The following TRPM6 variants were observed in gnomAD, a reference collection of about 807,000 sequenced individuals.
TRPM6 encodes transient receptor potential cation channel subfamily M member 6, also known as channel kinase 2.
Under a neutral mutation model 247.6 loss-of-function variants are expected in TRPM6, and 111 were observed. The ratio of observed to expected loss-of-function variants is 0.45; its 90% CI spans 0.38 to 0.52. The LOEUF is 0.52. TRPM6 is among the 20% of genes least tolerant of loss of function. TRPM6 has a pLI of 0.00. For missense variants in TRPM6, 2,126 were observed against 2,421.5 expected (o/e 0.88, Z 2.56); for synonymous variants, 892 against 853.8 (o/e 1.04, Z -0.78).
intron 23 of TRPM6, 36 bp downstream of exon 23, chr9:74,782,325 CT>C (rs780248066): frequency 6.7e-7 from 1 of 1,494,164 alleles, no homozygotes; most frequent in Non-Finnish European, 9.3e-7. Flanking sequence ...GCCCACATTT[CT>C]TATTTAAATA....
intron 8 of TRPM6, among the ~76,000 whole-genome samples, 157 bp from the exon 9 acceptor site, chr9:74,820,584 G>C (rs1447874891): frequency 6.6e-6 from 1 of 152,152 alleles, no homozygotes; most frequent in African/African-American, 2.4e-5. Flanking sequence ...GGAAGCAGGA[G>C]CTCAAGAAGA....
chr9:74,724,765 A>G lies in TRPM6; in HGVS notation c.5936-19T>C. 1 of 1,614,040 alleles carries G rather than the reference A, an allele frequency of 6.2e-7. No individual in the cohort carries two copies. ...TTTAAATCTGCAAGGAGGACAAGTA[A>G]AAAGGTTATAGTGGAACCCCAAGAA... On this transcript the variant is annotated intron_variant, in intron 38 of 38. Transcript: ENST00000360774.
rs781681305 is a variant in TRPM6 at position 74,855,575 on chromosome 9, A to G, written c.114-10T>C. 5.0e-6 allele frequency: 8 copies of G among 1,585,044 alleles called. No homozygotes were observed. In the South Asian group the frequency reaches 5.5e-5, roughly 11 times the overall value. On this transcript the variant is annotated splice_polypyrimidine_tract_variant and intron_variant, in intron 2 of 38. Transcript: ENST00000360774. ...GCATACTGGAGTACATCTAAATTAA[A>G]GAAATAAAACCTCTGTTAGTTTGTT...
intron 17 of TRPM6, 177 bp downstream of exon 17, chr9:74,800,077 A>G (rs1366569842): frequency 3.1e-6 from 2 of 650,232 alleles, no homozygotes; most frequent in Non-Finnish European, 5.4e-6. Flanking sequence ...GAGGAAGACC[A>G]ATCTTCTGTC....
At chr9:74,786,609 G>A (rs141477585) in intron 20 of TRPM6, among the ~76,000 whole-genome samples, 2,097 of 152,046 alleles carry the variant, frequency 0.014, 29 homozygotes, top group Non-Finnish European at 0.018. Flanking sequence ...GCGTGGTTGC[G>A]GGTGCCTGTA....
chr9:74,840,260 T>C (rs1482689445), intron 4 of TRPM6, 23 bp from the exon 5 acceptor site: 1 of 1,543,162 alleles, frequency 6.5e-7, no homozygotes, highest in South Asian at 1.1e-5. Context: ...CACATGTAGG[T>C]GAACAGAACA....
chr9:74,771,016 C>CT (rs1306883465), intron 25 of TRPM6, among the ~76,000 whole-genome samples: 11 of 152,214 alleles, frequency 7.2e-5, no homozygotes, highest in Non-Finnish European at 1.6e-4. Flanking sequence ...GTCAGACGCC[C>CT]TGAGAACCCC....
chr9:74,866,748 A>G (rs1252383906), intron 1 of TRPM6, among the ~76,000 whole-genome samples: 1 of 152,076 alleles, frequency 6.6e-6, no homozygotes, highest in Non-Finnish European at 1.5e-5. Flanking sequence ...CCCAAAGTGC[A>G]GGGATTACAG....
chr9:74,861,264 C>A (rs1830682386), intron 1 of TRPM6, among the ~76,000 whole-genome samples: 1 of 152,138 alleles, frequency 6.6e-6, no homozygotes, highest in Non-Finnish European at 1.5e-5. Flanking sequence ...TTTGAATAGG[C>A]CCCCACGCTG....
intron 21 of TRPM6, among the ~76,000 whole-genome samples, chr9:74,785,372 G>A (rs961863485): frequency 6.6e-6 from 1 of 152,144 alleles, no homozygotes; most frequent in Admixed American, 6.5e-5. Flanking sequence ...AAGAGTATAA[G>A]TGAGTTGTTT....
Position 74,762,138 on chromosome 9 carries a change from T to G in TRPM6, c.4533A>C (p.Glu1511Asp), listed in dbSNP as rs758123458. Reference protein sequence around the residue: ...DNSTRSAQSSECSEVGPWLQP... With the variant: ...DNSTRSAQSSDCSEVGPWLQP... ...GAAGCCATGGTCCCACCTCTGAGCATTCACTACTCTGGGCCGATCTTGTTG... is the reference window on the plus strand; with the variant it reads ...GAAGCCATGGTCCCACCTCTGAGCAGTCACTACTCTGGGCCGATCTTGTTG... Residue 1511 changes from glutamate (E) to aspartate (D), a missense_variant, in exon 26 of 39, where the codon GAA (glutamate) becomes GAC (aspartate). By Grantham distance (45) the Glu-to-Asp change is conservative. Around this residue, in one of 3 missense-constraint regions of TRPM6, gnomAD observed 717 missense variants for 715.9 expected, o/e 1.00. Coordinates refer to ENST00000360774, the MANE Select transcript of TRPM6 (RefSeq NM_017662.5). The G allele has an allele frequency of 8.1e-6, 13 of 1,614,100 alleles. No homozygotes were observed. The South Asian group carries it at 1.3e-4, about 16-fold the overall frequency.
chr9:74,752,338 T>C lies in TRPM6; in HGVS notation c.4937A>G (p.Lys1646Arg), dbSNP rs1197268161. ...AGCACATTGTCCAATTTCTTTAGTT[T>C]TCATTTTCTGATGTATGTAAGGTTC... is the stretch of plus-strand genomic sequence containing the variant. Reference protein sequence around the residue: ...GVEPYIHQKMKTKEIGQCAIQ... With the variant: ...GVEPYIHQKMRTKEIGQCAIQ... The change falls in exon 29 of 39, where the codon AAA (lysine) becomes AGA (arginine). Residue 1646 changes from lysine (K) to arginine (R), a missense_variant. Transcript: ENST00000360774. The C allele has an allele frequency of 6.3e-7, 1 of 1,597,766 alleles. No individual in the cohort carries two copies. The highest frequency in any genetic ancestry group is 8.6e-7 in the Non-Finnish European group (1 of 1,168,512).
In TRPM6 at chr9:74,800,324, G is replaced by C; in HGVS notation, c.2168C>G (p.Thr723Ser). 1 of 1,614,148 alleles carries C rather than the reference G, an allele frequency of 6.2e-7. No homozygotes were observed. The highest frequency in any genetic ancestry group is 1.1e-5 in the South Asian group (1 of 91,078). Residue 723 changes from threonine (T) to serine (S), a missense_variant, in exon 17 of 39, where the codon ACT becomes AGT. Thr to Ser is a moderately conservative substitution (Grantham distance 58). Coordinates refer to ENST00000360774, the MANE Select transcript of TRPM6 (RefSeq NM_017662.5). ...SGGLRPFVSH[T>S]CTQMLLTDMW... is the part of the protein sequence containing the mutation. The stretch of plus-strand genomic sequence containing the variant: ...GTCTGTCAGTAGCATCTGGGTACAA[G>C]TATGTGAAACAAAGGGTCGTAATCC...
rs1162174579 is a variant in TRPM6 at position 74,782,821 on chromosome 9, C to T, written c.2952G>A (p.Met984Ile). 1 of 1,613,974 alleles carries T rather than the reference C, an allele frequency of 6.2e-7. No individual in the cohort carries two copies. Among genetic ancestry groups the T allele is most frequent in the Non-Finnish European group, 8.5e-7 (1 of 1,180,026 alleles). ...TANMFYIVII[M>I]AIVLLSFGVA... ...CTCCAAAGCTCAGCAGGACTATGGC[C>T]ATGATGATCACAATATAGAACATGT... The change falls in exon 22 of 39, where the codon ATG becomes ATA. Residue 984 changes from methionine to isoleucine, a missense_variant. Around this residue, in one of 3 missense-constraint regions of TRPM6, gnomAD observed 1,082 missense variants for 1,307.9 expected, o/e 0.83. Coordinates refer to ENST00000360774, the MANE Select transcript of TRPM6 (RefSeq NM_017662.5).
chr9:74,863,038 T>C (rs1268136978), intron 1 of TRPM6, among the ~76,000 whole-genome samples: 1 of 151,714 alleles, frequency 6.6e-6, no homozygotes, highest in Non-Finnish European at 1.5e-5. Flanking sequence ...TTTGTTTTGT[T>C]TTTTGTTTGG....
At chr9:74,831,440 A>C (rs1419935157) in intron 6 of TRPM6, among the ~76,000 whole-genome samples, 1 of 152,128 alleles carries the variant, frequency 6.6e-6, no homozygotes, top group Non-Finnish European at 1.5e-5. Flanking sequence ...CAGTGAGCTG[A>C]GATCGTGCCA....
chr9:74,802,428 G>T (rs1828377442), intron 15 of TRPM6, among the ~76,000 whole-genome samples: 1 of 152,146 alleles, frequency 6.6e-6, no homozygotes, highest in Non-Finnish European at 1.5e-5. Context: ...TTAAAGCAGT[G>T]CCTCTTTAGG....
chr9:74,771,092 A>G (rs1480809145), intron 25 of TRPM6, among the ~76,000 whole-genome samples: 5 of 151,964 alleles, frequency 3.3e-5, no homozygotes, highest in African/African-American at 1.2e-4. Flanking sequence ...CAGACACACC[A>G]TGTGGCCTCA....
In TRPM6 at chr9:74,849,561, T is replaced by G. The variant is rs535805840; in HGVS notation, c.152+5966A>C. On this transcript the variant is annotated intron_variant, in intron 3 of 38. Coordinates refer to ENST00000360774, the MANE Select transcript of TRPM6 (RefSeq NM_017662.5). ...ACCCTGCAAACAACTTGGTCTTGGATTTCTGACCTCCAGAACTGTGAAAAG... is the reference window on the plus strand; with the variant it reads ...ACCCTGCAAACAACTTGGTCTTGGAGTTCTGACCTCCAGAACTGTGAAAAG... 3.9e-5 allele frequency among the ~76,000 whole-genome samples: 6 copies of G among 152,184 alleles called. No individual in the cohort carries two copies. In the South Asian group the frequency reaches 1.2e-3, roughly 32 times the overall value.
Sources: allele counts gnomAD v4.1 joint callset (sites outside exome capture counted in the v4.1 genomes callset), GRCh38; gene constraint gnomAD v4.1.1; regional missense constraint gnomAD v4.1.1; transcripts MANE v1.5; gene names NCBI Gene and HGNC (gene_info 2026-07-23, HGNC 2026-07-21).